Variants in TNR observed in about 807,000 individuals in gnomAD.
TNR encodes the protein tenascin-R.
A neutral mutation model predicts 150.4 loss-of-function variants in TNR; 45 were observed. The ratio of observed to expected loss-of-function variants is 0.30; its 90% CI spans 0.24 to 0.38. The LOEUF (loss-of-function observed/expected upper bound fraction) is 0.38, where lower values mean the gene tolerates loss of function less well. Ranked by LOEUF, TNR falls within the 10% of genes least tolerant of loss-of-function variation. The pLI is 1.00. For missense variants in TNR, 1,544 were observed against 1,759.1 expected, an observed-to-expected ratio of 0.88 and a Z score of 2.19; for synonymous variants, 687 against 678.4, an observed-to-expected ratio of 1.01 and a Z score of -0.20.
At chr1:175,502,085 T>G (rs1300188326) in intron 2 of TNR, among the ~76,000 whole-genome samples, 2 of 152,160 alleles carry the variant, frequency 1.3e-5, no homozygotes, top group African/African-American at 4.8e-5. Context: ...TTCCAAACAG[T>G]GCTGCACATT....
intron 1 of TNR, among the ~76,000 whole-genome samples, chr1:175,572,722 A>G (rs1370798318): frequency 6.6e-6 from 1 of 152,006 alleles, no homozygotes; most frequent in Non-Finnish European, 1.5e-5. Context: ...GAGAATATAT[A>G]TATATATATA....
intron 2 of TNR, among the ~76,000 whole-genome samples, chr1:175,412,631 T>G (rs1654260083): frequency 6.6e-6 from 1 of 151,916 alleles, no homozygotes; most frequent in Non-Finnish European, 1.5e-5. Context: ...TTCACTTCTC[T>G]GAGATCCCCC....
At chr1:175,630,396 A>G (rs949832508) in intron 1 of TNR, among the ~76,000 whole-genome samples, 3 of 152,178 alleles carry the variant, frequency 2.0e-5, no homozygotes, top group Non-Finnish European at 4.4e-5. Flanking sequence ...CAAGTTGAAA[A>G]CAATTATGTT....
rs574885588 is a variant in TNR at position 175,581,722 on chromosome 1, T to C, written c.-164-53353A>G. On this transcript the variant is annotated intron_variant, in intron 1 of 22. Coordinates refer to ENST00000367674, the MANE Select transcript of TNR (RefSeq NM_003285.3). ...ATTTTTATATTTGCAAAATGACAGA[T>C]TAGATAAGATGATCAGGTTTATAGT... 2.0e-5 allele frequency among the ~76,000 whole-genome samples: 3 copies of C among 152,292 alleles called. No homozygotes were observed. In the East Asian group the frequency reaches 5.8e-4, roughly 29 times the overall value.
At chr1:175,323,999 A>T (rs1649215799) in intron 22 of TNR, among the ~76,000 whole-genome samples, 1 of 152,184 alleles carries the variant, frequency 6.6e-6, no homozygotes, top group Non-Finnish European at 1.5e-5. Context: ...GGTCTCTGAT[A>T]GGGAAAGATT....
chr1:175,640,293 G>A (rs375170189), intron 1 of TNR, among the ~76,000 whole-genome samples: 2 of 152,280 alleles, frequency 1.3e-5, no homozygotes, highest in African/African-American at 2.4e-5. Context: ...CTGTGTGCCA[G>A]GCAAACATTG....
chr1:175,395,595 G>A (rs1187084287), intron 5 of TNR, among the ~76,000 whole-genome samples: 1 of 116,100 alleles, frequency 8.6e-6, no homozygotes, highest in Non-Finnish European at 1.8e-5. Context: ...TCCACATAAG[G>A]CACAGAGGCA....
At chr1:175,552,616 T>C (rs1018739271) in intron 1 of TNR, among the ~76,000 whole-genome samples, 8 of 152,192 alleles carry the variant, frequency 5.3e-5, no homozygotes, top group Non-Finnish European at 7.3e-5. Flanking sequence ...AAGCCATCTA[T>C]GTAAGGCAAG....
chr1:175,686,844 T>A (rs766074798), intron 1 of TNR, among the ~76,000 whole-genome samples: 6 of 152,230 alleles, frequency 3.9e-5, no homozygotes, highest in Non-Finnish European at 7.3e-5. Context: ...GGCTGCGTAG[T>A]ATTCCATGGT....
chr1:175,533,651 C>A (rs563583626), intron 1 of TNR, among the ~76,000 whole-genome samples: 1 of 152,238 alleles, frequency 6.6e-6, no homozygotes, highest in African/African-American at 2.4e-5. Context: ...CAGACAGAGT[C>A]CATAATTATC....
intron 2 of TNR, among the ~76,000 whole-genome samples, chr1:175,506,480 A>G (rs1311964016): frequency 6.6e-6 from 1 of 152,218 alleles, no homozygotes; most frequent in Non-Finnish European, 1.5e-5. Context: ...GAGATGATTA[A>G]TGAAGCCGTT....
intron 1 of TNR, among the ~76,000 whole-genome samples, chr1:175,711,196 C>A (rs1667003626): frequency 6.6e-6 from 1 of 152,046 alleles, no homozygotes; most frequent in South Asian, 2.1e-4. Flanking sequence ...AAGACAGAGC[C>A]AAGTAGGAGA....
At chr1:175,670,651 G>A (rs1665670412) in intron 1 of TNR, among the ~76,000 whole-genome samples, 2 of 152,096 alleles carry the variant, frequency 1.3e-5, no homozygotes, top group African/African-American at 4.8e-5. Flanking sequence ...AACCTCAGAG[G>A]GGAGGGGTTC....
chr1:175,631,471 A>G (rs1664325114), intron 1 of TNR, among the ~76,000 whole-genome samples: 1 of 151,598 alleles, frequency 6.6e-6, no homozygotes, highest in Admixed American at 6.6e-5. Flanking sequence ...ACATTATGAG[A>G]TTTTTTTCTT....
At chr1:175,512,349 C>G (rs573484041) in intron 2 of TNR, among the ~76,000 whole-genome samples, 1 of 152,330 alleles carries the variant, frequency 6.6e-6, no homozygotes, top group African/African-American at 2.4e-5. Flanking sequence ...AAATCTTTAT[C>G]AGACACTCAA....
At chr1:175,739,502 ACACACACACACGCACG>A (rs1233420690) in intron 1 of TNR, among the ~76,000 whole-genome samples, 2 of 152,034 alleles carry the variant, frequency 1.3e-5, no homozygotes, top group South Asian at 2.1e-4. Context: ...ACACATGCAC[ACACACACACACGCACG>A]CACACACACA....
intron 2 of TNR, among the ~76,000 whole-genome samples, chr1:175,424,357 A>C (rs1203580133): frequency 2.0e-5 from 3 of 152,204 alleles, no homozygotes; most frequent in African/African-American, 7.2e-5. Context: ...GCAGTTCCCA[A>C]CAAGGGAAAA....
chr1:175,349,512 G>A (rs928175664), intron 18 of TNR, among the ~76,000 whole-genome samples: 5 of 152,214 alleles, frequency 3.3e-5, no homozygotes, highest in African/African-American at 7.2e-5. Flanking sequence ...ACCCAATACC[G>A]CTTACATATA....
chr1:175,408,184 A>G (rs1345628646), intron 2 of TNR, among the ~76,000 whole-genome samples: 1 of 152,194 alleles, frequency 6.6e-6, no homozygotes, highest in Non-Finnish European at 1.5e-5. Context: ...CTTGTCGGTC[A>G]GACCGTGTCT....
Sources: gnomAD v4.1 joint callset for allele counts (sites outside exome capture counted in the v4.1 genomes callset) on GRCh38, gnomAD v4.1.1 for gene constraint, MANE v1.5 for transcripts, NCBI Gene and HGNC (gene_info 2026-07-23, HGNC 2026-07-21) for gene names.